Variants in CREB3L2 observed in about 807,000 individuals in gnomAD.
CREB3L2 encodes the protein cAMP responsive element binding protein 3 like 2, also known as cyclic AMP-responsive element-binding protein 3-like protein 2.
CREB3L2 carries 23 observed loss-of-function variants against 57.2 expected under a neutral mutation model. The ratio of observed to expected loss-of-function variants is 0.40; its 90% CI spans 0.29 to 0.57. The LOEUF is 0.57. Ranked by LOEUF, CREB3L2 falls within the 20% of genes least tolerant of loss-of-function variation. CREB3L2 has a pLI of 0.42. For synonymous variants in CREB3L2, 268 were observed against 265.1 expected, an observed-to-expected ratio of 1.01 and a Z score of -0.11; for missense variants, 628 against 634.7, an observed-to-expected ratio of 0.99 and a Z score of 0.11.
intron 1 of CREB3L2, among the ~76,000 whole-genome samples, chr7:137,960,895 C>T (rs1801310112): frequency 7.3e-6 from 1 of 136,662 alleles, no homozygotes; most frequent in African/African-American, 2.8e-5. Flanking sequence ...CTCACTGCAA[C>T]CTCCACCTCC....
At chr7:137,912,447 CA>C (rs2117214605) in intron 4 of CREB3L2, among the ~76,000 whole-genome samples, 1 of 151,860 alleles carries the variant, frequency 6.6e-6, no homozygotes, top group African/African-American at 2.4e-5. Context: ...TCAAGAAGCC[CA>C]AAAAGATGCA....
In CREB3L2 at chr7:137,953,227, C is replaced by T. The variant is rs566995476; in HGVS notation, c.103-24861G>A. On this transcript the variant is annotated intron_variant, in intron 1 of 11. Coordinates refer to ENST00000330387, the MANE Select transcript of CREB3L2 (RefSeq NM_194071.4). ...GGAAACAAGAGAGCTCAGGGTTAGA[C>T]AGTTTGTTCCCTCTAAGTCACTGTA... 2.2e-4 allele frequency: 73 copies of T among 336,360 alleles called. 1 individual carries two copies. The highest frequency in any genetic ancestry group is 8.2e-4 in the Middle Eastern group (1 of 1,226). The allele number at this position is 336,360 out of a possible 1,614,324, so 20.8% of individuals were successfully genotyped here.
chr7:137,973,083 T>C (rs1801545727), intron 1 of CREB3L2, among the ~76,000 whole-genome samples: 1 of 150,982 alleles, frequency 6.6e-6, no homozygotes, highest in Non-Finnish European at 1.5e-5. Flanking sequence ...ATAGCATATC[T>C]AGTGGGTGCA....
chr7:137,927,652 T>C (rs1800503411), intron 2 of CREB3L2, among the ~76,000 whole-genome samples: 1 of 151,828 alleles, frequency 6.6e-6, no homozygotes. Flanking sequence ...ATGATGGGCA[T>C]GAAAGGGTAA....
intron 1 of CREB3L2, among the ~76,000 whole-genome samples, chr7:137,996,435 A>G (rs77141851): frequency 1.5e-3 from 235 of 152,330 alleles, no homozygotes; most frequent in Non-Finnish European, 2.7e-3. Context: ...CACTACATTT[A>G]TTCAGCTTGT....
intron 5 of CREB3L2, among the ~76,000 whole-genome samples, chr7:137,907,040 G>C (rs901242421): frequency 6.6e-6 from 1 of 152,204 alleles, no homozygotes; most frequent in Non-Finnish European, 1.5e-5. Context: ...TGAGTTGTGT[G>C]ATCAGGAAAC....
intron 1 of CREB3L2, among the ~76,000 whole-genome samples, chr7:137,933,562 CA>C (rs1338272251): frequency 5.3e-5 from 8 of 152,222 alleles, no homozygotes; most frequent in African/African-American, 1.4e-4. Context: ...TGTTACAAAC[CA>C]TTCAGCACTA....
In CREB3L2 at chr7:137,888,188, T is replaced by G. The variant is rs150865221; in HGVS notation, c.1044-2686A>C. 3.1e-3 allele frequency among the ~76,000 whole-genome samples: 476 copies of G among 152,312 alleles called. 3 individuals are homozygous for G. The highest frequency in any genetic ancestry group is 0.011 in the African/African-American group (439 of 41,568). ...CTTTGTTGCCCAGCTCGTCTGGAAC[T>G]TCTGAGCTCAAACGATCCTCTCACC... On this transcript the variant is annotated intron_variant, in intron 8 of 11. Transcript: ENST00000330387.
At chr7:137,999,619 G>GA (rs1209706975) in intron 1 of CREB3L2, 8 of 152,126 alleles carry the variant, frequency 5.3e-5, no homozygotes, top group African/African-American at 1.7e-4. Flanking sequence ...CAGAGTTCAG[G>GA]AAACAGATGG....
intron 1 of CREB3L2, chr7:137,955,262 C>G (rs748665179): frequency 7.8e-7 from 1 of 1,288,504 alleles, no homozygotes; most frequent in African/African-American, 1.5e-5. Flanking sequence ...AGAAAAAGCA[C>G]GTGTTCACAG....
Position 137,882,463 on chromosome 7 carries a change from G to A in CREB3L2, c.1436C>T (p.Ser479Leu), listed in dbSNP as rs759230081. The A allele has an allele frequency of 4.3e-6, 7 of 1,613,854 alleles. No homozygotes were observed. The highest frequency in any genetic ancestry group is 2.2e-5 in the East Asian group (1 of 44,888). Residue 479 changes from serine to leucine, a missense_variant, in exon 11 of 12, where the codon TCG becomes TTG. By Grantham distance (145) the Ser-to-Leu change is moderately radical. This residue lies in a region of CREB3L2 where 272 missense variants were observed against 242.7 expected (regional missense o/e 1.12). Transcript: ENST00000330387. Reference protein sequence around the residue: ...PDVDLPHFIISNETSLEKSVL... With the variant: ...PDVDLPHFIILNETSLEKSVL... ...TGACTTCTCCAGGCTGGTCTCATTC[G>A]AGATAATGAAATGGGGAAGATCCAC...
chr7:137,966,497 G>A lies in CREB3L2; in HGVS notation c.102+35107C>T, dbSNP rs549976403. On this transcript the variant is annotated intron_variant, in intron 1 of 11. Transcript: ENST00000330387. ...AGAAGTGTATGTTGATCCTAGCCAC[G>A]ACTCAGATAGAAGGAAAGCTCAGAA... Among the ~76,000 whole-genome samples, 10 of 152,262 alleles carry A rather than the reference G, an allele frequency of 6.6e-5. No homozygotes were observed. The South Asian group carries it at 2.1e-3, about 32-fold the overall frequency.
intron 1 of CREB3L2, among the ~76,000 whole-genome samples, chr7:137,978,562 C>T (rs114914745): frequency 2.0e-5 from 3 of 151,984 alleles, no homozygotes; most frequent in Non-Finnish European, 4.4e-5. Flanking sequence ...AGGCCCGGTA[C>T]GATGTAAAGG....
chr7:137,953,881 C>T (rs775739237), intron 1 of CREB3L2, among the ~76,000 whole-genome samples: 1 of 152,194 alleles, frequency 6.6e-6, no homozygotes, highest in Non-Finnish European at 1.5e-5. Flanking sequence ...ATGGGTTTTT[C>T]ACACAGCCCA....
intron 1 of CREB3L2, among the ~76,000 whole-genome samples, chr7:137,943,340 C>T (rs918005406): frequency 1.3e-5 from 2 of 152,096 alleles, no homozygotes; most frequent in African/African-American, 2.4e-5. Flanking sequence ...ATTCTATTGG[C>T]AAAGAATGGC....
Position 138,001,765 on chromosome 7 carries a change from C to T in CREB3L2, c.-60G>A. The T allele has an allele frequency of 7.9e-7, 1 of 1,266,644 alleles. No homozygotes were observed. The highest frequency in any genetic ancestry group is 1.5e-5 in the South Asian group (1 of 68,548). 78.5% of individuals were successfully genotyped at this position (1,266,644 alleles called of 1,614,324 possible). Reference sequence around the variant, plus strand: ...GCGCAGGAGGGGACGCGCAGAGCTGCCTCGGACCGGCAAGGTTCCTCTCTC... The same window carrying T: ...GCGCAGGAGGGGACGCGCAGAGCTGTCTCGGACCGGCAAGGTTCCTCTCTC... On this transcript the variant is annotated 5_prime_UTR_variant, in exon 1 of 12. Coordinates refer to ENST00000330387, the MANE Select transcript of CREB3L2 (RefSeq NM_194071.4). This position sits in a 1 kb window ranked among gnomAD's most constrained non-coding sequence, Gnocchi z 4.2.
chr7:137,928,359 G>C lies in CREB3L2; in HGVS notation c.110C>G (p.Ser37Ter). The change falls in exon 2 of 12, where the codon TCA becomes TGA. Residue 37 changes from serine (S) to a stop codon, truncating the protein, a stop_gained. Coordinates refer to ENST00000330387, the MANE Select transcript of CREB3L2 (RefSeq NM_194071.4). LOFTEE classifies it high-confidence loss of function. ...GEALMYHTHF[S>*]ELLDEFSQNV... is the part of the protein sequence containing the mutation. ...CTGGGAAAACTCATCCAGAAGTTCT[G>C]AGAAGTGCTACAAGAAACAAAGGAG... 1 of 1,613,656 alleles carries C rather than the reference G, an allele frequency of 6.2e-7. No individual in the cohort carries two copies. The highest frequency in any genetic ancestry group is 8.5e-7 in the Non-Finnish European group (1 of 1,179,742).
intron 1 of CREB3L2, among the ~76,000 whole-genome samples, chr7:137,968,368 A>G (rs1364669526): frequency 6.6e-6 from 1 of 150,560 alleles, no homozygotes; most frequent in East Asian, 1.9e-4. Context: ...CCAGCCCCAG[A>G]CTCCCCAACA....
intron 1 of CREB3L2, among the ~76,000 whole-genome samples, chr7:137,952,193 C>G (rs1367561481): frequency 6.6e-6 from 1 of 152,162 alleles, no homozygotes; most frequent in African/African-American, 2.4e-5. Context: ...ATACCCTGTT[C>G]AGCAGCCCTA....
Sources: gnomAD v4.1 joint callset for allele counts (sites outside exome capture counted in the v4.1 genomes callset) on GRCh38, gnomAD v4.1.1 for gene constraint, gnomAD v4.1.1 regional missense constraint, Gnocchi (gnomAD v3.1) non-coding constraint, MANE v1.5 for transcripts, NCBI Gene and HGNC (gene_info 2026-07-23, HGNC 2026-07-21) for gene names.